HLF: variants seen among roughly 807,000 people sequenced by gnomAD.
HLF encodes hepatic leukemia factor.
A neutral mutation model predicts 22.6 loss-of-function variants in HLF; 3 were observed. The ratio of observed to expected loss-of-function variants is 0.13; its 90% confidence interval spans 0.06 to 0.34. The LOEUF (loss-of-function observed/expected upper bound fraction) is 0.34. Among genes scored for constraint, HLF ranks in the 10% least tolerant of loss-of-function variants. HLF has a pLI of 1.00. For synonymous variants in HLF, 151 were observed against 151.8 expected, an observed-to-expected ratio of 0.99 and a Z score of 0.04; for missense variants, 299 against 389.2, an observed-to-expected ratio of 0.77 and a Z score of 1.95.
At chr17:55,265,963 T>TGGGGAGGAGAAACCC in intron 1 of HLF, 1 of 611,302 alleles carries the variant, frequency 1.6e-6, no homozygotes, top group Non-Finnish European at 2.1e-6. Flanking sequence ...CCTCCCGGGC[T>TGGGGAGGAGAAACCC]GGGGAGGAGA....
chr17:55,285,675 C>T (rs1025986832), intron 2 of HLF, among the ~76,000 whole-genome samples: 1 of 152,142 alleles, frequency 6.6e-6, no homozygotes, highest in African/African-American at 2.4e-5. Context: ...GAAATGTGTT[C>T]CTTTGGTCCT....
intron 2 of HLF, among the ~76,000 whole-genome samples, chr17:55,287,064 T>G (rs1445627115): frequency 6.6e-6 from 1 of 152,168 alleles, no homozygotes; most frequent in Non-Finnish European, 1.5e-5. Context: ...GGTAGATGCA[T>G]TAGCTCAATC....
chr17:55,306,620 A>G (rs1477099532), intron 2 of HLF, among the ~76,000 whole-genome samples: 13 of 150,834 alleles, frequency 8.6e-5, no homozygotes, highest in Non-Finnish European at 1.5e-5. Flanking sequence ...CCTTAAAATT[A>G]GTACATCAAC....
At chr17:55,314,317 G>A (rs1904977256) in intron 2 of HLF, among the ~76,000 whole-genome samples, 1 of 152,138 alleles carries the variant, frequency 6.6e-6, no homozygotes, top group Non-Finnish European at 1.5e-5. Flanking sequence ...TTTCTAATTT[G>A]TTAAATATTT....
In HLF at chr17:55,324,721, G is replaced by C. The variant is rs970700119; in HGVS notation, c.*3842G>C. On this transcript the variant is annotated 3_prime_UTR_variant, in exon 4 of 4. Coordinates refer to ENST00000226067, the MANE Select transcript of HLF (RefSeq NM_002126.5). ...CAATTAATAATGTCATTTAAAAAAT[G>C]AGCAAAGCCTTATCCGAATCGGATA... The C allele has an allele frequency of 4.3e-6, 1 of 233,076 alleles. No individual in the cohort carries two copies. The highest frequency in any genetic ancestry group is 8.5e-6 in the Non-Finnish European group (1 of 117,948). The allele number at this position is 233,076 out of a possible 1,614,324, so 14.4% of individuals were successfully genotyped here. A position where few individuals can be genotyped will look rare whatever the true frequency, so the allele number is the denominator to read the frequency against.
intron 2 of HLF, among the ~76,000 whole-genome samples, chr17:55,299,148 C>T (rs942501904): frequency 1.3e-5 from 2 of 152,178 alleles, no homozygotes; most frequent in African/African-American, 4.8e-5. Context: ...CTCACCGTAC[C>T]CCAAATGAGA....
chr17:55,306,089 C>T (rs1482042556), intron 2 of HLF, among the ~76,000 whole-genome samples: 1 of 152,026 alleles, frequency 6.6e-6, no homozygotes, highest in Non-Finnish European at 1.5e-5. Context: ...AGAGAGGTGG[C>T]TCATGTTTGT....
rs1360875613 is a variant in HLF, at chr17:55,320,085, T to G, written c.673-579T>G. 2.6e-5 allele frequency among the ~76,000 whole-genome samples: 4 copies of G among 152,204 alleles called. No individual in the cohort carries two copies. The highest frequency in any genetic ancestry group is 5.9e-5 in the Non-Finnish European group (4 of 68,042). On this transcript the variant is annotated intron_variant, in intron 3 of 3. Transcript: ENST00000226067. This position sits in a 1 kb window ranked among gnomAD's most constrained non-coding sequence, Gnocchi z 4.2. The stretch of plus-strand genomic sequence containing the variant: ...ACGTGGTTGTTAAATCTCCTATGCA[T>G]AGTTTTTCCTCATTTTTTCTACTGC...
Position 55,323,613 on chromosome 17 carries a change from C to T in HLF, c.*2734C>T, listed in dbSNP as rs1905340894. 3 of 227,230 alleles carry T rather than the reference C, an allele frequency of 1.3e-5. No homozygotes were observed. The highest frequency in any genetic ancestry group is 1.1e-4 in the Admixed American group (2 of 17,518). The allele number at this position is 227,230 out of a possible 1,614,324, so 14.1% of individuals were successfully genotyped here. A position where few individuals can be genotyped will look rare whatever the true frequency, so the allele number is the denominator to read the frequency against. The stretch of plus-strand genomic sequence containing the variant: ...AAACACTTTGGAGTCTGTACAGGTG[C>T]CTTATATGTAGGTCATTGTCACGAT... On this transcript the variant is annotated 3_prime_UTR_variant, in exon 4 of 4. Transcript: ENST00000226067.
chr17:55,268,557 GA>G (rs1050231863), intron 2 of HLF, among the ~76,000 whole-genome samples: 3 of 151,606 alleles, frequency 2.0e-5, no homozygotes, highest in Admixed American at 1.3e-4. Context: ...TGTCCTGAAG[GA>G]AAAAAAATGT....
chr17:55,320,964 A>C lies in HLF; in HGVS notation c.*85A>C. On this transcript the variant is annotated 3_prime_UTR_variant, in exon 4 of 4. Transcript: ENST00000226067. The surrounding 1 kb of genome is among the most constrained non-coding windows in gnomAD (Gnocchi z 4.2). ...CACCACACGCAAACCAACCTTTCTG[A>C]CATCAGCACTTTACCAGAGGCATAA... The C allele has an allele frequency of 9.6e-7, 1 of 1,038,982 alleles. No homozygotes were observed. Among genetic ancestry groups the C allele is most frequent in the Non-Finnish European group, 1.4e-6 (1 of 698,382 alleles). The allele number at this position is 1,038,982 out of a possible 1,614,324, so 64.4% of individuals were successfully genotyped here. A position where few individuals can be genotyped will look rare whatever the true frequency, so the allele number is the denominator to read the frequency against.
intron 2 of HLF, chr17:55,273,391 A>C (rs966900747): frequency 6.6e-6 from 1 of 152,204 alleles, no homozygotes; most frequent in African/African-American, 2.4e-5. Flanking sequence ...GAAAGGAATG[A>C]CTGGATTCCC....
At chr17:55,295,681 G>A (rs1202938167) in intron 2 of HLF, among the ~76,000 whole-genome samples, 1 of 152,250 alleles carries the variant, frequency 6.6e-6, no homozygotes, top group Admixed American at 6.5e-5. Flanking sequence ...CGTGGTACTT[G>A]CCCTGGGCTG....
chr17:55,305,333 G>A (rs1044658531), intron 2 of HLF, among the ~76,000 whole-genome samples: 2 of 152,218 alleles, frequency 1.3e-5, no homozygotes, highest in African/African-American at 4.8e-5. Context: ...GGAAGTGGAC[G>A]AGAGAGAGGG....
Position 55,276,813 on chromosome 17 carries a change from CA to C in HLF, c.451+8728del, listed in dbSNP as rs537447616. 7.0e-3 allele frequency among the ~76,000 whole-genome samples: 1,070 copies of C among 152,332 alleles called. 12 individuals are homozygous for C. The highest frequency in any genetic ancestry group is 0.025 in the African/African-American group (1,025 of 41,558). On this transcript the variant is annotated intron_variant, in intron 2 of 3. Transcript: ENST00000226067. ...TTTTCAGCAGGAAAGTGCATGTGAA[CA>C]TTTCCACTTGAGTTCAAGGTTGGAT...
intron 2 of HLF, among the ~76,000 whole-genome samples, chr17:55,299,836 CCTT>C (rs1444138001): frequency 1.4e-5 from 2 of 138,604 alleles, no homozygotes; most frequent in Admixed American, 1.4e-4. Flanking sequence ...TGCTTTTTTT[CCTT>C]CTTCTTTGTT....
Position 55,320,587 on chromosome 17 carries a change from C to A in HLF, c.673-77C>A. ...CACCTCTGCACAATCCTGGAGCCTGCCCGTGCCCTGGCTGGCACTGGGCTT... is the reference window on the plus strand; with the variant it reads ...CACCTCTGCACAATCCTGGAGCCTGACCGTGCCCTGGCTGGCACTGGGCTT... On this transcript the variant is annotated intron_variant, in intron 3 of 3. Transcript: ENST00000226067. The surrounding 1 kb of genome is among the most constrained non-coding windows in gnomAD (Gnocchi z 4.2). The A allele has an allele frequency of 7.5e-7, 1 of 1,331,974 alleles. No homozygotes were observed. The highest frequency in any genetic ancestry group is 1.1e-6 in the Non-Finnish European group (1 of 950,394). The allele number at this position is 1,331,974 out of a possible 1,614,324, so 82.5% of individuals were successfully genotyped here.
chr17:55,290,471 C>G (rs1395456832), intron 2 of HLF, among the ~76,000 whole-genome samples: 2 of 152,096 alleles, frequency 1.3e-5, no homozygotes, highest in African/African-American at 4.8e-5. Context: ...GATCTATGAT[C>G]AGTGATCTTT....
At chr17:55,271,754 T>G (rs996418691) in intron 2 of HLF, 8 of 152,142 alleles carry the variant, frequency 5.3e-5, no homozygotes, top group Admixed American at 5.2e-4. Context: ...GGTCTCAAAC[T>G]CTTGACCTCA....
Sources: gnomAD v4.1 joint callset for allele counts (sites outside exome capture counted in the v4.1 genomes callset) on GRCh38, gnomAD v4.1.1 for gene constraint, Gnocchi (gnomAD v3.1) non-coding constraint, MANE v1.5 for transcripts, NCBI Gene and HGNC (gene_info 2026-07-23, HGNC 2026-07-21) for gene names.